FSTL5: variants seen among roughly 807,000 people sequenced by gnomAD.
FSTL5 encodes the protein follistatin like 5.
Under a neutral mutation model 89.1 loss-of-function variants are expected in FSTL5, and 62 were observed. The observed-to-expected ratio is 0.70, with a 90% confidence interval of 0.57 to 0.86. FSTL5 has a LOEUF of 0.86. Among genes scored for constraint, FSTL5 ranks in the 40% least tolerant of loss-of-function variants. The pLI is 0.00. For missense variants in FSTL5, 1,057 were observed against 1,001.6 expected (o/e 1.06, Z -0.75); for synonymous variants, 383 against 346.2 (o/e 1.11, Z -1.18).
At chr4:161,415,669 GAGAGAGAGAGAA>G (rs1051922276) in intron 15 of FSTL5, among the ~76,000 whole-genome samples, 16 of 150,352 alleles carry the variant, frequency 1.1e-4, no homozygotes, top group African/African-American at 3.9e-4. Context: ...TATATAGAGA[GAGAGAGAGAGAA>G]AGAGAGAGAA....
intron 4 of FSTL5, among the ~76,000 whole-genome samples, chr4:161,832,175 T>C (rs1046102202): frequency 1.3e-5 from 2 of 152,028 alleles, no homozygotes; most frequent in Non-Finnish European, 2.9e-5. Flanking sequence ...AAATGAACAA[T>C]GACTAACGAA....
At chr4:161,461,656 G>A (rs923547936) in intron 13 of FSTL5, among the ~76,000 whole-genome samples, 1 of 151,948 alleles carries the variant, frequency 6.6e-6, no homozygotes, top group Non-Finnish European at 1.5e-5. Flanking sequence ...TCTGGATTCT[G>A]TTAATTGTGT....
intron 2 of FSTL5, among the ~76,000 whole-genome samples, chr4:162,053,847 C>A (rs1738457733): frequency 6.6e-6 from 1 of 151,414 alleles, no homozygotes; most frequent in African/African-American, 2.4e-5. Context: ...TTCAAAAATA[C>A]CTAAGATGTA....
rs180758974 is a variant in FSTL5, at chr4:161,777,594, A to G, written c.410-1520T>C. ...TTTCTTAATGTTCTGATATTCATTCATCTCTTTTTTAGGGCCCCTGGTATA... is the reference window on the plus strand; with the variant it reads ...TTTCTTAATGTTCTGATATTCATTCGTCTCTTTTTTAGGGCCCCTGGTATA... On this transcript the variant is annotated intron_variant, in intron 4 of 15. Transcript: ENST00000306100. Among the ~76,000 whole-genome samples the G allele has an allele frequency of 5.9e-5, 9 of 152,110 alleles. No individual in the cohort carries two copies. In the East Asian group the frequency reaches 1.4e-3, roughly 23 times the overall value.
intron 6 of FSTL5, among the ~76,000 whole-genome samples, chr4:161,688,757 A>G (rs538098961): frequency 6.6e-6 from 1 of 152,122 alleles, no homozygotes; most frequent in African/African-American, 2.4e-5. Flanking sequence ...AATGAATGGC[A>G]TCTTTCATTA....
intron 4 of FSTL5, among the ~76,000 whole-genome samples, chr4:161,793,911 G>T (rs1403820163): frequency 4.6e-5 from 7 of 152,030 alleles, no homozygotes; most frequent in Admixed American, 4.6e-4. Flanking sequence ...GCCTGGCCAA[G>T]AAACCATTTA....
chr4:161,564,496 T>A (rs562720327), intron 8 of FSTL5, among the ~76,000 whole-genome samples: 1 of 148,916 alleles, frequency 6.7e-6, no homozygotes, highest in African/African-American at 2.4e-5. Context: ...ATAACTAATA[T>A]AATTTATTTA....
chr4:161,974,708 C>T (rs1339192723), intron 3 of FSTL5, among the ~76,000 whole-genome samples: 3 of 115,666 alleles, frequency 2.6e-5, no homozygotes, highest in Non-Finnish European at 5.2e-5. Context: ...ACTTCATGTC[C>T]AAAACACCAA....
intron 2 of FSTL5, among the ~76,000 whole-genome samples, chr4:162,067,288 A>G (rs973268728): frequency 6.6e-6 from 1 of 152,064 alleles, no homozygotes; most frequent in African/African-American, 2.4e-5. Flanking sequence ...CCTGGGCTCA[A>G]GTGATCTGCC....
chr4:161,687,220 A>C (rs890974666), intron 6 of FSTL5, among the ~76,000 whole-genome samples: 4 of 152,208 alleles, frequency 2.6e-5, no homozygotes, highest in African/African-American at 9.6e-5. Context: ...TGTGCCCTAA[A>C]TGTCACAAAT....
In FSTL5 at chr4:162,033,661, GGAAATAAAACA is replaced by G. The variant is rs745656478; in HGVS notation, c.127-14_127-4del. 6.7e-7 allele frequency: 1 copy of G among 1,486,680 alleles called. No homozygotes were observed. Among genetic ancestry groups the G allele is most frequent in the South Asian group, 1.2e-5 (1 of 82,148 alleles). The allele number at this position is 1,486,680 out of a possible 1,614,324, so 92.1% of individuals were successfully genotyped here. On this transcript the variant is annotated splice_region_variant and splice_polypyrimidine_tract_variant and intron_variant, in intron 2 of 15. Transcript: ENST00000306100. ...GAACTTTCTTGATTTTTTTCCTGCT[GGAAATAAAACA>G]GAAAATAGGTCAAAATATGTAAGTA... is the stretch of plus-strand genomic sequence containing the variant.
intron 4 of FSTL5, among the ~76,000 whole-genome samples, chr4:161,835,127 A>G (rs1165110239): frequency 6.7e-6 from 1 of 148,606 alleles, no homozygotes; most frequent in Non-Finnish European, 1.5e-5. Context: ...GGAACAGAAC[A>G]GAGCCCTCAG....
chr4:161,466,276 A>G (rs1027272139), intron 13 of FSTL5, among the ~76,000 whole-genome samples: 1 of 152,200 alleles, frequency 6.6e-6, no homozygotes, highest in Non-Finnish European at 1.5e-5. Flanking sequence ...AAATTCATCA[A>G]TATTTCTTGA....
chr4:161,631,144 T>C (rs1735492745), intron 7 of FSTL5, among the ~76,000 whole-genome samples: 1 of 152,214 alleles, frequency 6.6e-6, no homozygotes, highest in Non-Finnish European at 1.5e-5. Context: ...TACAGCAATG[T>C]AATTGTTGAT....
At chr4:162,089,333 T>C (rs1394783957) in intron 2 of FSTL5, among the ~76,000 whole-genome samples, 2 of 152,172 alleles carry the variant, frequency 1.3e-5, no homozygotes, top group East Asian at 3.9e-4. Context: ...AATCACTGCC[T>C]TAAAAAAATT....
intron 15 of FSTL5, among the ~76,000 whole-genome samples, chr4:161,442,021 A>G (rs541820185): frequency 1.1e-3 from 160 of 152,198 alleles, no homozygotes; most frequent in African/African-American, 3.7e-3. Context: ...CAACTAATTT[A>G]TAGTTACCAA....
At chr4:161,833,401 T>A (rs1730915412) in intron 4 of FSTL5, among the ~76,000 whole-genome samples, 1 of 144,894 alleles carries the variant, frequency 6.9e-6, no homozygotes, top group African/African-American at 2.5e-5. Flanking sequence ...TTAGGTCCTC[T>A]TGGTGCAGAG....
At chr4:161,620,181 G>T (rs1402202714) in intron 7 of FSTL5, among the ~76,000 whole-genome samples, 1 of 119,354 alleles carries the variant, frequency 8.4e-6, no homozygotes, top group Non-Finnish European at 1.6e-5. Flanking sequence ...ACACTCTGGG[G>T]ACTGTTGTGG....
chr4:161,547,016 T>A (rs1295472045), intron 8 of FSTL5, among the ~76,000 whole-genome samples: 1 of 151,984 alleles, frequency 6.6e-6, no homozygotes, highest in Admixed American at 6.6e-5. Flanking sequence ...TATTGCAATA[T>A]TTTCATCGTT....
Sources: allele counts gnomAD v4.1 joint callset (sites outside exome capture counted in the v4.1 genomes callset), GRCh38; gene constraint gnomAD v4.1.1; transcripts MANE v1.5; gene names NCBI Gene and HGNC (gene_info 2026-07-23, HGNC 2026-07-21).